Variants in GALNTL6 observed in about 807,000 individuals in gnomAD.
GALNTL6 encodes the protein polypeptide N-acetylgalactosaminyltransferase-like 6.
GALNTL6 carries 46 observed loss-of-function variants against 73.7 expected under a neutral mutation model. The observed-to-expected ratio is 0.62, with a 90% confidence interval of 0.49 to 0.80. The LOEUF (loss-of-function observed/expected upper bound fraction) is 0.80, where lower values mean the gene tolerates loss of function less well. Among genes scored for constraint, GALNTL6 ranks in the 30% least tolerant of loss-of-function variants. The pLI is 0.00. For missense variants in GALNTL6, 604 were observed against 755.0 expected, an observed-to-expected ratio of 0.80 and a Z score of 2.34; for synonymous variants, 259 against 263.7, an observed-to-expected ratio of 0.98 and a Z score of 0.17.
At chr4:172,127,877 T>C (rs1733347122) in intron 2 of GALNTL6, among the ~76,000 whole-genome samples, 1 of 151,564 alleles carries the variant, frequency 6.6e-6, no homozygotes, top group African/African-American at 2.4e-5. Context: ...CCAAGGTGAG[T>C]GGATAGCCTG....
intron 2 of GALNTL6, among the ~76,000 whole-genome samples, chr4:171,862,025 C>T (rs993830801): frequency 2.0e-5 from 3 of 152,054 alleles, no homozygotes; most frequent in African/African-American, 7.2e-5. Context: ...TTCTTCCATA[C>T]TAAAGTTGAG....
chr4:173,021,654 C>A, intron 12 of GALNTL6, 29 bp downstream of exon 12: 1 of 1,608,580 alleles, frequency 6.2e-7, no homozygotes. Flanking sequence ...TGGTCATTCT[C>A]AAATTACTGT....
At chr4:172,203,195 A>T (rs1329601596) in intron 2 of GALNTL6, among the ~76,000 whole-genome samples, 1 of 152,186 alleles carries the variant, frequency 6.6e-6, no homozygotes, top group East Asian at 1.9e-4. Context: ...ATGTGACCAT[A>T]TAGCTATATT....
chr4:172,195,906 A>C (rs1340166692), intron 2 of GALNTL6, among the ~76,000 whole-genome samples: 1 of 152,118 alleles, frequency 6.6e-6, no homozygotes, highest in Non-Finnish European at 1.5e-5. Context: ...AACCAACCCC[A>C]AAACTAGCAG....
intron 5 of GALNTL6, among the ~76,000 whole-genome samples, chr4:172,475,368 C>G (rs1733194038): frequency 6.6e-6 from 1 of 151,752 alleles, no homozygotes; most frequent in South Asian, 2.1e-4. Flanking sequence ...TCATGATTCC[C>G]TCCAATCTTT....
Position 171,846,034 on chromosome 4 carries a change from A to T in GALNTL6, c.138+31316A>T, listed in dbSNP as rs182034205. Among the ~76,000 whole-genome samples, 3 of 152,304 alleles carry T rather than the reference A, an allele frequency of 2.0e-5. No homozygotes were observed. The East Asian group carries it at 5.8e-4, about 29-fold the overall frequency. On this transcript the variant is annotated intron_variant, in intron 2 of 12. Coordinates refer to ENST00000506823, the MANE Select transcript of GALNTL6 (RefSeq NM_001034845.3). ...TTTGCTTTATTTCACTTTTCAAATC[A>T]GGGATAGATAACTGTCATATTGCCT...
chr4:172,938,780 T>A (rs567632362), intron 9 of GALNTL6, among the ~76,000 whole-genome samples: 1 of 152,130 alleles, frequency 6.6e-6, no homozygotes, highest in African/African-American at 2.4e-5. Flanking sequence ...TATCATGGGT[T>A]TTCTCCCAAA....
chr4:172,075,702 A>G (rs1560912037), intron 2 of GALNTL6, among the ~76,000 whole-genome samples: 2 of 152,188 alleles, frequency 1.3e-5, no homozygotes, highest in Non-Finnish European at 1.5e-5. Flanking sequence ...AAACAGTCAA[A>G]ATAGTCATGG....
At chr4:172,403,969 T>C (rs573038481) in intron 5 of GALNTL6, among the ~76,000 whole-genome samples, 25 of 152,110 alleles carry the variant, frequency 1.6e-4, no homozygotes, top group African/African-American at 5.8e-4. Flanking sequence ...CATTACTCCA[T>C]TGAAAATTAT....
chr4:171,975,638 G>T lies in GALNTL6; in HGVS notation c.138+160920G>T, dbSNP rs79621410. ...ATACTGGGTGGACAAAAGGGCAAGG[G>T]CTAGACCTAAAGAGAATAAAAACAA... On this transcript the variant is annotated intron_variant, in intron 2 of 12. Coordinates refer to ENST00000506823, the MANE Select transcript of GALNTL6 (RefSeq NM_001034845.3). 2.1e-4 allele frequency among the ~76,000 whole-genome samples: 32 copies of T among 152,160 alleles called. No homozygotes were observed. In the East Asian group the frequency reaches 6.0e-3, roughly 29 times the overall value.
chr4:173,005,574 T>C (rs1040296562), intron 10 of GALNTL6, among the ~76,000 whole-genome samples: 1 of 152,198 alleles, frequency 6.6e-6, no homozygotes, highest in Admixed American at 6.5e-5. Context: ...TAGAATCAGT[T>C]CTATTAGAAT....
At chr4:173,007,272 C>T (rs572535098) in intron 10 of GALNTL6, among the ~76,000 whole-genome samples, 33 of 152,220 alleles carry the variant, frequency 2.2e-4, no homozygotes, top group African/African-American at 7.0e-4. Context: ...ATCTACTCAT[C>T]CAGGCAAAAG....
chr4:172,156,749 GA>G (rs1412957688), intron 2 of GALNTL6, among the ~76,000 whole-genome samples: 1 of 151,442 alleles, frequency 6.6e-6, no homozygotes, highest in Non-Finnish European at 1.5e-5. Flanking sequence ...ACATAAAAAA[GA>G]AAGGACACTT....
intron 5 of GALNTL6, among the ~76,000 whole-genome samples, chr4:172,390,202 T>A (rs569584574): frequency 6.6e-6 from 1 of 152,336 alleles, no homozygotes; most frequent in Admixed American, 6.5e-5. Context: ...AAAATTGACT[T>A]ATTTTTCAAA....
chr4:172,204,263 TA>T (rs933048513), intron 2 of GALNTL6, among the ~76,000 whole-genome samples: 11 of 152,340 alleles, frequency 7.2e-5, no homozygotes, highest in African/African-American at 2.6e-4. Flanking sequence ...GTCCTTTTTT[TA>T]AAACTGCGTC....
chr4:172,057,515 C>G (rs889861319), intron 2 of GALNTL6, among the ~76,000 whole-genome samples: 1 of 140,856 alleles, frequency 7.1e-6, no homozygotes, highest in Non-Finnish European at 1.5e-5. Context: ...ATAGTGAGAG[C>G]TTGTCTCTAC....
chr4:172,417,928 A>G (rs1015270202), intron 5 of GALNTL6, among the ~76,000 whole-genome samples: 3 of 152,166 alleles, frequency 2.0e-5, no homozygotes, highest in Admixed American at 2.0e-4. Context: ...GTGAAAAATT[A>G]CTCAAGTTTT....
At position 172,229,732 on chromosome 4, in the gene GALNTL6, A is replaced by T; in HGVS notation, c.215A>T (p.Tyr72Phe). ...DGLRRKDWHD[Y>F]ESIQKEAMRS... ...TTGAGAAGAAAGGACTGGCATGACTATGAAAGCATTCAGAAAGAGGCTATG... is the reference window on the plus strand; with the variant it reads ...TTGAGAAGAAAGGACTGGCATGACTTTGAAAGCATTCAGAAAGAGGCTATG... The change falls in exon 3 of 13, where the codon TAT becomes TTT. Residue 72 changes from tyrosine (Y) to phenylalanine (F), a missense_variant. This residue lies in a region of GALNTL6 where 141 missense variants were observed against 156.6 expected (regional missense o/e 0.90). Coordinates refer to ENST00000506823, the MANE Select transcript of GALNTL6 (RefSeq NM_001034845.3). 1 of 1,613,654 alleles carries T rather than the reference A, an allele frequency of 6.2e-7. No individual in the cohort carries two copies. Among genetic ancestry groups the T allele is most frequent in the Admixed American group, 1.7e-5 (1 of 60,030 alleles).
chr4:172,281,550 A>T (rs1296903677), intron 3 of GALNTL6, among the ~76,000 whole-genome samples: 1 of 152,062 alleles, frequency 6.6e-6, no homozygotes, highest in Non-Finnish European at 1.5e-5. Context: ...AATACAAAAA[A>T]AAGAAAAAAA....
Sources: allele counts gnomAD v4.1 joint callset (sites outside exome capture counted in the v4.1 genomes callset), GRCh38; gene constraint gnomAD v4.1.1; regional missense constraint gnomAD v4.1.1; transcripts MANE v1.5; gene names NCBI Gene and HGNC (gene_info 2026-07-23, HGNC 2026-07-21).